TICRR: variants seen among roughly 807,000 people sequenced by gnomAD.
TICRR encodes the protein treslin.
Under a neutral mutation model 178.1 loss-of-function variants are expected in TICRR, and 132 were observed. The observed-to-expected ratio is 0.74, with a 90% CI of 0.64 to 0.86. The LOEUF is 0.86. Among genes scored for constraint, TICRR ranks in the 40% least tolerant of loss-of-function variants. The pLI, the probability that TICRR is intolerant of heterozygous loss-of-function variation, is 0.00. For synonymous variants in TICRR, 991 were observed against 900.7 expected (o/e 1.10, Z -1.79); for missense variants, 2,587 against 2,334.3 (o/e 1.11, Z -2.23).
intron 4 of TICRR, among the ~76,000 whole-genome samples, chr15:89,589,987 T>C (rs1962884010): frequency 6.6e-6 from 1 of 152,264 alleles, no homozygotes; most frequent in South Asian, 2.1e-4. Context: ...AAATTCTAGT[T>C]TGATTAAAAG....
chr15:89,598,839 T>C (rs12899312), intron 7 of TICRR, among the ~76,000 whole-genome samples: 125,624 of 151,758 alleles, frequency 0.83, 52,732 homozygotes, highest in Non-Finnish European at 0.92. Context: ...AACCCTGTCT[T>C]TACCAAAAAT....
intron 7 of TICRR, among the ~76,000 whole-genome samples, chr15:89,598,904 G>T (rs1963045863): frequency 6.6e-6 from 1 of 152,102 alleles, no homozygotes; most frequent in African/African-American, 2.4e-5. Flanking sequence ...CTACTCCAGA[G>T]GCTGAGGTGG....
intron 16 of TICRR, 119 bp from the exon 17 acceptor site, chr15:89,618,033 A>C: frequency 9.9e-7 from 1 of 1,010,958 alleles, no homozygotes; most frequent in Non-Finnish European, 1.6e-6. Flanking sequence ...CTTTACCAGC[A>C]CTGGTGTTAT....
chr15:89,607,153 C>A (rs1963187444), intron 14 of TICRR, among the ~76,000 whole-genome samples: 1 of 152,014 alleles, frequency 6.6e-6, no homozygotes, highest in African/African-American at 2.4e-5. Flanking sequence ...ATTCCATGAT[C>A]CCTGCTTGGA....
chr15:89,597,213 T>C (rs1280505112), intron 7 of TICRR, among the ~76,000 whole-genome samples: 2 of 152,076 alleles, frequency 1.3e-5, no homozygotes, highest in Non-Finnish European at 2.9e-5. Flanking sequence ...TATTGTATTG[T>C]CTTTGCTCCT....
rs768623550 is a variant in TICRR, at chr15:89,623,634, G to A, written c.3324G>A (p.Lys1108=). The A allele has an allele frequency of 1.2e-6, 2 of 1,606,968 alleles. No homozygotes were observed. Among genetic ancestry groups the A allele is most frequent in the South Asian group, 1.1e-5 (1 of 89,568 alleles). The stretch of plus-strand genomic sequence containing the variant: ...ATTTCTCTTTTCAGACTCCCAAGAA[G>A]AGTCACCAGAAATCTCTGAGCTTTT... The part of the protein sequence containing the change: ...EVPAAYQTPK[K]SHQKSLSFSK... The change falls in exon 20 of 22, where the codon AAG becomes AAA. Residue 1108 remains lysine, a synonymous_variant. Coordinates refer to ENST00000268138, the MANE Select transcript of TICRR (RefSeq NM_152259.4).
intron 1 of TICRR, among the ~76,000 whole-genome samples, chr15:89,580,478 T>C (rs574382649): frequency 6.6e-6 from 1 of 152,316 alleles, no homozygotes; most frequent in East Asian, 1.9e-4. Flanking sequence ...AGGTTACCAT[T>C]CTCTCCATAG....
intron 15 of TICRR, among the ~76,000 whole-genome samples, chr15:89,615,463 G>T (rs1178586095): frequency 1.3e-5 from 2 of 152,122 alleles, no homozygotes; most frequent in African/African-American, 2.4e-5. Flanking sequence ...GCAAGTTAAA[G>T]CTTCCTGAGA....
chr15:89,609,666 G>T (rs1229962786), intron 15 of TICRR, among the ~76,000 whole-genome samples: 2 of 152,010 alleles, frequency 1.3e-5, no homozygotes. Context: ...GTAGAGACGG[G>T]GTTTCACCAT....
At chr15:89,599,574 C>G in intron 8 of TICRR, 99 bp downstream of exon 8, 1 of 1,198,946 alleles carries the variant, frequency 8.3e-7, no homozygotes, top group Non-Finnish European at 1.2e-6. Context: ...TCTGTTATGT[C>G]ATATGTGATT....
chr15:89,589,932 C>T (rs1962882986), intron 4 of TICRR, among the ~76,000 whole-genome samples: 1 of 151,994 alleles, frequency 6.6e-6, no homozygotes, highest in Non-Finnish European at 1.5e-5. Context: ...CATAGCAAGA[C>T]CCTGTCTCAA....
intron 18 of TICRR, among the ~76,000 whole-genome samples, chr15:89,621,151 C>A (rs548842381): frequency 6.6e-6 from 1 of 152,252 alleles, no homozygotes; most frequent in Non-Finnish European, 1.5e-5. Context: ...TCCTGAGTAG[C>A]TGGGATTACA....
chr15:89,614,604 TAC>T (rs1963306044), intron 15 of TICRR, among the ~76,000 whole-genome samples: 1 of 152,226 alleles, frequency 6.6e-6, no homozygotes, highest in African/African-American at 2.4e-5. Flanking sequence ...GTGCTGGGAT[TAC>T]AAGCATGAGC....
chr15:89,610,420 G>A (rs1596052941), intron 15 of TICRR, among the ~76,000 whole-genome samples: 1 of 152,060 alleles, frequency 6.6e-6, no homozygotes, highest in South Asian at 2.1e-4. Flanking sequence ...TAATTATTAT[G>A]TCTTCTTGAT....
rs765305888 is a variant in TICRR, at chr15:89,625,509, C to T, written c.5199C>T (p.Pro1733=). Residue 1733 remains proline (P), a synonymous_variant, in exon 20 of 22, where the codon CCC becomes CCT. Coordinates refer to ENST00000268138, the MANE Select transcript of TICRR (RefSeq NM_152259.4). Reference sequence around the variant, plus strand: ...TTGAACTCAGCATCCACAGGACGCCCATCTTGGAGGATTTTGAGCTCGAGG... The same window carrying T: ...TTGAACTCAGCATCCACAGGACGCCTATCTTGGAGGATTTTGAGCTCGAGG... ...HGLELSIHRT[P]ILEDFELEGV... 1 of 1,613,908 alleles carries T rather than the reference C, an allele frequency of 6.2e-7. No individual in the cohort carries two copies. The highest frequency in any genetic ancestry group is 2.2e-5 in the East Asian group (1 of 44,842).
chr15:89,616,373 A>C, intron 15 of TICRR, 32 bp from the exon 16 acceptor site: 2 of 1,597,260 alleles, frequency 1.3e-6, no homozygotes, highest in Non-Finnish European at 1.7e-6. Context: ...GGTTAAATGA[A>C]ATTTATGATT....
intron 15 of TICRR, 151 bp downstream of exon 15, chr15:89,609,100 CTTTTTTTTTTTTTTT>C (rs59398617): frequency 3.5e-5 from 3 of 84,886 alleles, no homozygotes; most frequent in Middle Eastern, 6.3e-3. Context: ...TTTTGTTAAT[CTTTTTTTTTTTTTTT>C]TTTTTTTTTT....
At chr15:89,621,356 G>T in intron 18 of TICRR, 37 bp from the exon 19 acceptor site, 2 of 1,579,512 alleles carry the variant, frequency 1.3e-6, no homozygotes, top group African/African-American at 1.4e-5. Flanking sequence ...CAGGAATTGA[G>T]AAAGAATTAA....
At chr15:89,604,036 G>GA (rs564612498) in intron 13 of TICRR, among the ~76,000 whole-genome samples, 6 of 148,948 alleles carry the variant, frequency 4.0e-5, no homozygotes, top group South Asian at 2.1e-4. Context: ...TTTATTGGTT[G>GA]AAAAAAAAAT....
Sources: gnomAD v4.1 joint callset for allele counts (sites outside exome capture counted in the v4.1 genomes callset) on GRCh38, gnomAD v4.1.1 for gene constraint, MANE v1.5 for transcripts, NCBI Gene and HGNC (gene_info 2026-07-23, HGNC 2026-07-21) for gene names.